Variants in PDILT observed in about 807,000 individuals in gnomAD.
The protein encoded by PDILT is protein disulfide isomerase like, testis expressed.
Under a neutral mutation model 53.7 loss-of-function variants are expected in PDILT, and 43 were observed. The observed-to-expected ratio is 0.80, with a 90% CI of 0.63 to 1.03. The LOEUF is 1.03. Ranked by LOEUF, PDILT falls within the 50% of genes least tolerant of loss-of-function variation. The pLI is 0.00. For synonymous variants in PDILT, 282 were observed against 274.2 expected (o/e 1.03, Z -0.28); for missense variants, 727 against 712.3 (o/e 1.02, Z -0.24).
chr16:20,367,023 T>A (rs1382325984), intron 8 of PDILT, among the ~76,000 whole-genome samples: 10 of 145,802 alleles, frequency 6.9e-5, no homozygotes, highest in African/African-American at 2.6e-4. Flanking sequence ...TCTCTCTCTT[T>A]CTTCTTTCTT....
chr16:20,383,067 A>C (rs1966483304), intron 3 of PDILT, among the ~76,000 whole-genome samples: 1 of 152,178 alleles, frequency 6.6e-6, no homozygotes, highest in Non-Finnish European at 1.5e-5. Flanking sequence ...GTGATGATGA[A>C]GCTTCCTGTA....
rs140244645 is a variant in PDILT at position 20,374,907 on chromosome 16, G to A, written c.596C>T (p.Pro199Leu). 1.9e-5 allele frequency: 31 copies of A among 1,613,884 alleles called. No homozygotes were observed. The highest frequency in any genetic ancestry group is 2.5e-5 in the Non-Finnish European group (29 of 1,179,930). ...ELFYDVIKDFPELTFGVITIG... is the reference protein window; with the variant it reads ...ELFYDVIKDFLELTFGVITIG... The stretch of plus-strand genomic sequence containing the variant: ...CGTTATGACTCCAAACGTTAGCTCT[G>A]GAAAGTCTTTGATCACATCATAGAA... The change falls in exon 5 of 12, where the codon CCA becomes CTA. Residue 199 changes from proline to leucine, a missense_variant. Pro to Leu is a moderately conservative substitution (Grantham distance 98). Transcript: ENST00000302451.
At chr16:20,360,518 G>C (rs1966084702) in intron 11 of PDILT, 50 bp downstream of exon 11, 3 of 1,455,744 alleles carry the variant, frequency 2.1e-6, no homozygotes, top group Non-Finnish European at 2.9e-6. Context: ...TAAGTTCCTA[G>C]GGATTCTGTG....
intron 8 of PDILT, among the ~76,000 whole-genome samples, chr16:20,367,027 CTTTCTTTCTTT>C (rs1444857845): frequency 0.02 from 126 of 6,218 alleles, 6 homozygotes; most frequent in South Asian, 0.1. Flanking sequence ...TCTCTTTCTT[CTTTCTTTCTTT>C]CTTTCTTTCT....
intron 8 of PDILT, among the ~76,000 whole-genome samples, chr16:20,367,892 AG>A (rs1966237651): frequency 6.6e-6 from 1 of 152,176 alleles, no homozygotes; most frequent in South Asian, 2.1e-4. Context: ...AGGGAAGTTA[AG>A]GGGGTTCAAC....
At position 20,359,289 on chromosome 16, in the gene PDILT, TA is replaced by T; in HGVS notation, c.*29del. On this transcript the variant is annotated 3_prime_UTR_variant, in exon 12 of 12. Transcript: ENST00000302451. ...GAAAATGATGCCAGGATCTGGAAAATAAGCATCTTTTTTCCTGGTATTGGAG... is the reference window on the plus strand; with the variant it reads ...GAAAATGATGCCAGGATCTGGAAAATAGCATCTTTTTTCCTGGTATTGGAG... 6.2e-7 allele frequency: 1 copy of T among 1,605,584 alleles called. No individual in the cohort carries two copies. The highest frequency in any genetic ancestry group is 8.5e-7 in the Non-Finnish European group (1 of 1,176,578).
At position 20,373,135 on chromosome 16, in the gene PDILT, G is replaced by C. The variant is rs754865335; in HGVS notation, c.682-13C>G. 2 of 1,602,042 alleles carry C rather than the reference G, an allele frequency of 1.2e-6. No individual in the cohort carries two copies. The highest frequency in any genetic ancestry group is 2.7e-5 in the African/African-American group (2 of 74,622). ...TCACAATTTTTCCCTTGTACAAAAG[G>C]AGAAACATATTGGAGGACAGTAGCT... On this transcript the variant is annotated splice_polypyrimidine_tract_variant and intron_variant, in intron 5 of 11. Coordinates refer to ENST00000302451, the MANE Select transcript of PDILT (RefSeq NM_174924.2).
chr16:20,359,442 G>A lies in PDILT; in HGVS notation c.1632C>T (p.Tyr544=), dbSNP rs374255958. ...CAGCGGGCTCTTCCAGCTTGGATAC[G>A]TACTTGGTCATGTTCTCCAGCTCAG... ...QSPELENMTK[Y]VSKLEEPAGK... Residue 544 remains tyrosine (Y), a synonymous_variant, in exon 12 of 12, where the codon TAC becomes TAT. Coordinates refer to ENST00000302451, the MANE Select transcript of PDILT (RefSeq NM_174924.2). 6.6e-5 allele frequency: 107 copies of A among 1,613,990 alleles called. No individual in the cohort carries two copies. The Admixed American group carries it at 9.3e-4, about 14-fold the overall frequency.
intron 5 of PDILT, among the ~76,000 whole-genome samples, chr16:20,373,799 C>T (rs910907643): frequency 1.3e-5 from 2 of 152,152 alleles, no homozygotes; most frequent in African/African-American, 4.8e-5. Flanking sequence ...CTTTTTCTGT[C>T]CATAAATCTT....
At chr16:20,360,994 T>C (rs1966091941) in intron 10 of PDILT, among the ~76,000 whole-genome samples, 1 of 152,166 alleles carries the variant, frequency 6.6e-6, no homozygotes, top group African/African-American at 2.4e-5. Context: ...AGTACCTACC[T>C]CGTAGGGTTG....
At position 20,394,603 on chromosome 16, in the gene PDILT, A is replaced by G. The variant is rs111712907; in HGVS notation, c.202+4496T>C. ...TGAATCACTTGAGAATCTTGTTAAA[A>G]TGCAGATTCCGATTCAGTGCTTCTA... On this transcript the variant is annotated intron_variant, in intron 2 of 11. Transcript: ENST00000302451. Among the ~76,000 whole-genome samples the G allele has an allele frequency of 1.5e-3, 223 of 152,348 alleles. 2 individuals carry two copies. The highest frequency in any genetic ancestry group is 5.1e-3 in the African/African-American group (210 of 41,570).
chr16:20,400,267 G>T (rs552706216), intron 1 of PDILT, among the ~76,000 whole-genome samples: 5 of 151,890 alleles, frequency 3.3e-5, no homozygotes, highest in Non-Finnish European at 7.4e-5. Context: ...TAGAGATGGG[G>T]TTCCACCATG....
chr16:20,389,844 A>G (rs1049177615), intron 2 of PDILT, among the ~76,000 whole-genome samples: 4 of 152,140 alleles, frequency 2.6e-5, no homozygotes, highest in Non-Finnish European at 4.4e-5. Context: ...AAGGAAGTTG[A>G]GTCTGCCTTT....
At chr16:20,382,226 T>C (rs1327367402) in intron 3 of PDILT, among the ~76,000 whole-genome samples, 1 of 152,224 alleles carries the variant, frequency 6.6e-6, no homozygotes, top group Non-Finnish European at 1.5e-5. Context: ...AACTTAATTG[T>C]TCCAGGCATT....
At chr16:20,366,992 C>A (rs547432832) in intron 8 of PDILT, among the ~76,000 whole-genome samples, 8,475 of 138,008 alleles carry the variant, frequency 0.061, 978 homozygotes, top group African/African-American at 0.18. Flanking sequence ...TCCTTCCTTT[C>A]TTTCTTTCTT....
At chr16:20,370,701 A>T (rs1260311662) in intron 7 of PDILT, among the ~76,000 whole-genome samples, 1 of 152,190 alleles carries the variant, frequency 6.6e-6, no homozygotes, top group Non-Finnish European at 1.5e-5. Context: ...ATTCTTAGTC[A>T]CAGAATGAGA....
intron 2 of PDILT, among the ~76,000 whole-genome samples, chr16:20,397,871 G>A (rs1162762949): frequency 6.6e-6 from 1 of 152,140 alleles, no homozygotes; most frequent in African/African-American, 2.4e-5. Flanking sequence ...AGGCCTTAGG[G>A]ACTGACACGG....
chr16:20,375,677 T>A (rs1054841555), intron 4 of PDILT, among the ~76,000 whole-genome samples: 1 of 152,204 alleles, frequency 6.6e-6, no homozygotes, highest in Non-Finnish European at 1.5e-5. Context: ...TGCATGTTTA[T>A]CCTGTGCTAT....
rs1165193363 is a variant in PDILT, at chr16:20,360,636, G to A, written c.1438C>T (p.His480Tyr). 1 of 1,613,612 alleles carries A rather than the reference G, an allele frequency of 6.2e-7. No homozygotes were observed. Among genetic ancestry groups the A allele is most frequent in the Non-Finnish European group, 8.5e-7 (1 of 1,179,652 alleles). ...AAGTCAGAGAAGCCCTTCAGGGTGT[G>A]TTCTCCCTTATACAGGACAGCCTAG... ...SQQAVLYKGE[H>Y]TLKGFSDFLE... Residue 480 changes from histidine (H) to tyrosine (Y), a missense_variant, in exon 11 of 12, where the codon CAC (histidine) becomes TAC (tyrosine). Coordinates refer to ENST00000302451, the MANE Select transcript of PDILT (RefSeq NM_174924.2).
Sources: gnomAD v4.1 joint callset for allele counts (sites outside exome capture counted in the v4.1 genomes callset) on GRCh38, gnomAD v4.1.1 for gene constraint, MANE v1.5 for transcripts, NCBI Gene and HGNC (gene_info 2026-07-23, HGNC 2026-07-21) for gene names.